PCDH15: variants seen among roughly 807,000 people sequenced by gnomAD.
PCDH15 encodes the protein protocadherin related 15, also known as protocadherin-15.
PCDH15 carries 129 observed loss-of-function variants against 178.5 expected under a neutral mutation model. The observed-to-expected ratio is 0.72, with a 90% confidence interval of 0.63 to 0.84. The LOEUF is 0.84. PCDH15 is among the 40% of genes least tolerant of loss of function. The probability of loss-of-function intolerance (pLI) is 0.00; values close to 1 mark genes in which losing one functional copy is unlikely to be tolerated. For synonymous variants in PCDH15, 800 were observed against 732.0 expected (o/e 1.09, Z -1.50); for missense variants, 2,230 against 2,099.9 (o/e 1.06, Z -1.21).
intron 8 of PCDH15, among the ~76,000 whole-genome samples, chr10:54,277,844 A>G (rs1311796117): frequency 6.6e-6 from 1 of 151,474 alleles, no homozygotes; most frequent in African/African-American, 2.4e-5. Flanking sequence ...GTAGGGTGAG[A>G]GGAGTATAGA....
chr10:54,365,840 G>A (rs1946711675), intron 5 of PCDH15, among the ~76,000 whole-genome samples: 1 of 152,060 alleles, frequency 6.6e-6, no homozygotes, highest in Non-Finnish European at 1.5e-5. Context: ...TATAACCCGT[G>A]TTCAACATGT....
intron 37 of PCDH15, chr10:53,808,680 C>T: frequency 6.2e-7 from 1 of 1,609,236 alleles, no homozygotes; most frequent in Non-Finnish European, 8.5e-7. Flanking sequence ...CTTCCACCTA[C>T]TGTGATCTCT....
In PCDH15 at chr10:54,084,851, C is replaced by T. The variant is rs559486161; in HGVS notation, c.1997+5133G>A. Among the ~76,000 whole-genome samples the T allele has an allele frequency of 1.2e-3, 182 of 152,220 alleles. 1 individual carries two copies. Among genetic ancestry groups the T allele is most frequent in the Non-Finnish European group, 7.8e-4 (53 of 68,020 alleles). On this transcript the variant is annotated intron_variant, in intron 16 of 37. Coordinates refer to ENST00000644397, the MANE Select transcript of PCDH15 (RefSeq NM_001384140.1). The stretch of plus-strand genomic sequence containing the variant: ...ACATTTACACTTGGAGGTGTCTGAG[C>T]CTTTGACAGATTTATCACATTGCTT...
chr10:54,711,552 T>C (rs148479266), intron 1 of PCDH15, among the ~76,000 whole-genome samples: 1 of 152,026 alleles, frequency 6.6e-6, no homozygotes, highest in African/African-American at 2.4e-5. Flanking sequence ...TAAGGAATCA[T>C]AGAATTCTGA....
chr10:55,356,428 A>G (rs972021641), intron 2 of PCDH15, among the ~76,000 whole-genome samples: 1 of 151,812 alleles, frequency 6.6e-6, no homozygotes, highest in African/African-American at 2.4e-5. Context: ...TGAGGAGCTA[A>G]TATTGGTAAT....
intron 23 of PCDH15, among the ~76,000 whole-genome samples, chr10:53,956,519 A>G (rs145447616): frequency 6.6e-6 from 1 of 152,268 alleles, no homozygotes; most frequent in East Asian, 1.9e-4. Flanking sequence ...TATTTGGCAT[A>G]ACATTTATTT....
intron 18 of PCDH15, among the ~76,000 whole-genome samples, chr10:54,056,578 A>C (rs1486719973): frequency 6.6e-6 from 1 of 152,130 alleles, no homozygotes; most frequent in African/African-American, 2.4e-5. Flanking sequence ...TGATTCAATT[A>C]TCTTCACCTG....
Position 54,395,167 on chromosome 10 carries a change from T to C in PCDH15, c.158-16225A>G, listed in dbSNP as rs369993404. 2.6e-3 allele frequency among the ~76,000 whole-genome samples: 398 copies of C among 152,240 alleles called. 2 individuals carry two copies. Among genetic ancestry groups the C allele is most frequent in the African/African-American group, 8.0e-3 (333 of 41,554 alleles). On this transcript the variant is annotated intron_variant, in intron 3 of 37. Coordinates refer to ENST00000644397, the MANE Select transcript of PCDH15 (RefSeq NM_001384140.1). ...GCATAGGAAATCACAAGGGTATTCA[T>C]TGGGGAAGTGATAAGTGTCCATGAA...
chr10:55,327,334 G>A (rs1844058755), intron 2 of PCDH15, among the ~76,000 whole-genome samples: 1 of 151,964 alleles, frequency 6.6e-6, no homozygotes, highest in African/African-American at 2.4e-5. Context: ...AAGTCATTTA[G>A]CCTATGGCAT....
intron 2 of PCDH15, among the ~76,000 whole-genome samples, chr10:54,959,335 A>G (rs1226842726): frequency 6.6e-6 from 1 of 151,984 alleles, no homozygotes; most frequent in Non-Finnish European, 1.5e-5. Flanking sequence ...GAAATTACAC[A>G]GAAGAATGCC....
In PCDH15 at chr10:53,866,989, T is replaced by TA. The variant is rs1270973374; in HGVS notation, c.3502-133_3502-132insT. ...ACACAATAAAGCCCTCCTAAATGTC[T>TA]GTTTTTTCTGGATATAGTTATGTAG... On this transcript the variant is annotated intron_variant, in intron 26 of 37. Transcript: ENST00000644397. The TA allele has an allele frequency of 2.5e-4, 167 of 679,334 alleles. 3 individuals carry two copies. The highest frequency in any genetic ancestry group is 2.4e-3 in the South Asian group (145 of 59,774). 42.1% of individuals were successfully genotyped at this position (679,334 alleles called of 1,614,324 possible).
intron 25 of PCDH15, among the ~76,000 whole-genome samples, chr10:53,927,737 C>T (rs889540934): frequency 1.6e-4 from 25 of 152,086 alleles, no homozygotes; most frequent in African/African-American, 6.0e-4. Context: ...ATACTATTCT[C>T]TTCTTTGGGA....
intron 8 of PCDH15, among the ~76,000 whole-genome samples, chr10:54,301,928 G>C (rs1021379692): frequency 1.3e-5 from 2 of 152,052 alleles, no homozygotes; most frequent in East Asian, 3.9e-4. Flanking sequence ...TCCCTTACAA[G>C]TCAACAAAGA....
chr10:54,835,758 T>A (rs1186423812), intron 3 of PCDH15, among the ~76,000 whole-genome samples: 2 of 152,106 alleles, frequency 1.3e-5, no homozygotes, highest in Non-Finnish European at 2.9e-5. Context: ...ATATATAAAA[T>A]TGTAAAATTT....
At chr10:55,310,772 G>A (rs559924718) in intron 1 of PCDH15, among the ~76,000 whole-genome samples, 12 of 152,244 alleles carry the variant, frequency 7.9e-5, no homozygotes, top group African/African-American at 2.9e-4. Context: ...ACTAACACAG[G>A]TACAGGAAAC....
At chr10:53,965,367 A>G (rs1309011348) in intron 21 of PCDH15, among the ~76,000 whole-genome samples, 1 of 152,130 alleles carries the variant, frequency 6.6e-6, no homozygotes, top group Non-Finnish European at 1.5e-5. Context: ...CCTACTACCT[A>G]TATTTTTAAA....
At chr10:54,279,391 T>G (rs560065637) in intron 8 of PCDH15, among the ~76,000 whole-genome samples, 1 of 151,778 alleles carries the variant, frequency 6.6e-6, no homozygotes, top group Admixed American at 6.6e-5. Flanking sequence ...CTCCCAATAG[T>G]GCACAAATAT....
intron 3 of PCDH15, among the ~76,000 whole-genome samples, chr10:54,381,849 G>A (rs1367494873): frequency 6.6e-6 from 1 of 152,050 alleles, no homozygotes; most frequent in African/African-American, 2.4e-5. Flanking sequence ...AGTTAAGAGA[G>A]CTGGCCCTGG....
At chr10:54,432,663 T>C (rs1589382117) in intron 3 of PCDH15, among the ~76,000 whole-genome samples, 1 of 152,090 alleles carries the variant, frequency 6.6e-6, no homozygotes, top group African/African-American at 2.4e-5. Flanking sequence ...GACATTGGTC[T>C]GAGCAAAAGT....
Sources: allele counts gnomAD v4.1 joint callset (sites outside exome capture counted in the v4.1 genomes callset), GRCh38; gene constraint gnomAD v4.1.1; transcripts MANE v1.5; gene names NCBI Gene and HGNC (gene_info 2026-07-23, HGNC 2026-07-21).